The following LIPC variants were observed in gnomAD, a reference collection of about 807,000 sequenced individuals.
LIPC encodes lipase C, hepatic type, also known as hepatic triacylglycerol lipase.
A neutral mutation model predicts 50.7 loss-of-function variants in LIPC; 44 were observed. The ratio of observed to expected loss-of-function variants is 0.87; its 90% CI spans 0.68 to 1.11. The LOEUF is 1.11. LIPC is among the 50% of genes most tolerant of loss of function. LIPC has a pLI of 0.00. For missense variants in LIPC, 697 were observed against 648.2 expected, an observed-to-expected ratio of 1.08 and a Z score of -0.82; for synonymous variants, 271 against 256.4, an observed-to-expected ratio of 1.06 and a Z score of -0.54.
At chr15:58,478,637 T>TTATA (rs1891082719) in intron 1 of LIPC, among the ~76,000 whole-genome samples, 1 of 152,092 alleles carries the variant, frequency 6.6e-6, no homozygotes, top group Non-Finnish European at 1.5e-5. Flanking sequence ...CTTAGGGAGG[T>TTATA]TATGCAAGTT....
chr15:58,504,288 G>A (rs1892076760), intron 1 of LIPC, among the ~76,000 whole-genome samples: 1 of 152,158 alleles, frequency 6.6e-6, no homozygotes, highest in South Asian at 2.1e-4. Context: ...CTGTTGTCAG[G>A]CAGCCCAGGG....
intron 1 of LIPC, among the ~76,000 whole-genome samples, chr15:58,465,752 A>T (rs1894536444): frequency 6.6e-6 from 1 of 152,174 alleles, no homozygotes; most frequent in Non-Finnish European, 1.5e-5. Context: ...GGGAAGATAG[A>T]GTCCAAGAGG....
At chr15:58,519,998 T>C (rs1170518434) in intron 1 of LIPC, among the ~76,000 whole-genome samples, 3 of 151,966 alleles carry the variant, frequency 2.0e-5, no homozygotes, top group Non-Finnish European at 4.4e-5. Flanking sequence ...AATGCAAGGG[T>C]GCGTAGAAAG....
chr15:58,512,431 A>G (rs938471187), intron 1 of LIPC, among the ~76,000 whole-genome samples: 2 of 152,128 alleles, frequency 1.3e-5, no homozygotes, highest in Non-Finnish European at 2.9e-5. Context: ...ACAATGTTTT[A>G]TTTTGCTTTT....
intron 4 of LIPC, among the ~76,000 whole-genome samples, chr15:58,544,395 C>CGT (rs1893449128): frequency 7.8e-6 from 1 of 128,976 alleles, no homozygotes; most frequent in Non-Finnish European, 1.6e-5. Flanking sequence ...TTTTCTCTTT[C>CGT]TTTTTTTTTT....
intron 1 of LIPC, among the ~76,000 whole-genome samples, chr15:58,485,636 T>C (rs1448391571): frequency 2.0e-5 from 3 of 152,230 alleles, no homozygotes; most frequent in African/African-American, 7.2e-5. Context: ...CAGGCACTTA[T>C]TTGGATCTCA....
intron 1 of LIPC, among the ~76,000 whole-genome samples, chr15:58,487,684 GA>G (rs1484105193): frequency 6.6e-6 from 1 of 152,200 alleles, no homozygotes; most frequent in Non-Finnish European, 1.5e-5. Flanking sequence ...AGTGGGGACT[GA>G]AATTAACAGG....
chr15:58,495,644 A>G (rs1378723692), intron 1 of LIPC, among the ~76,000 whole-genome samples: 16 of 152,238 alleles, frequency 1.1e-4, no homozygotes, highest in African/African-American at 3.6e-4. Flanking sequence ...AGAGAGAGTA[A>G]GTAACTTATT....
chr15:58,491,987 G>A lies in LIPC; in HGVS notation c.89-46346G>A, dbSNP rs573920404. Among the ~76,000 whole-genome samples, 7 of 152,294 alleles carry A rather than the reference G, an allele frequency of 4.6e-5. No homozygotes were observed. The East Asian group carries it at 9.6e-4, about 21-fold the overall frequency. ...GTCCCAGCTCTGTAGCTGCATTTCT[G>A]ACCCAGTTGGATACCTTGACATGGT... On this transcript the variant is annotated intron_variant, in intron 1 of 8. Coordinates refer to ENST00000299022, the MANE Select transcript of LIPC (RefSeq NM_000236.3).
At chr15:58,458,577 C>T (rs1330704995) in intron 1 of LIPC, among the ~76,000 whole-genome samples, 3 of 152,220 alleles carry the variant, frequency 2.0e-5, no homozygotes, top group Non-Finnish European at 2.9e-5. Context: ...CCACCTCTAA[C>T]CTTTTCCCAT....
chr15:58,520,614 G>A (rs1892625927), intron 1 of LIPC, among the ~76,000 whole-genome samples: 1 of 152,084 alleles, frequency 6.6e-6, no homozygotes, highest in African/African-American at 2.4e-5. Flanking sequence ...TCCCAGAAAC[G>A]CTTGGCCAAA....
intron 5 of LIPC, among the ~76,000 whole-genome samples, chr15:58,547,064 G>T (rs775045797): frequency 6.6e-6 from 1 of 152,016 alleles, no homozygotes; most frequent in Non-Finnish European, 1.5e-5. Context: ...TGGTGTATGG[G>T]CTTTATTTTC....
At chr15:58,518,758 C>A (rs1192371092) in intron 1 of LIPC, among the ~76,000 whole-genome samples, 1 of 152,092 alleles carries the variant, frequency 6.6e-6, no homozygotes, top group Non-Finnish European at 1.5e-5. Context: ...AGTTCAAGAG[C>A]AGGCAAAACT....
intron 1 of LIPC, among the ~76,000 whole-genome samples, chr15:58,502,869 A>T (rs1172973520): frequency 1.3e-5 from 2 of 151,900 alleles, no homozygotes; most frequent in Non-Finnish European, 2.9e-5. Context: ...GATGAAGAGG[A>T]CATGGTTATC....
rs1222672989 is a variant in LIPC at position 58,545,890 on chromosome 15, T to C, written c.723T>C (p.Tyr241=). The part of the protein sequence containing the change: ...SVGIKQPIGH[Y]DFYPNGGSFQ... The stretch of plus-strand genomic sequence containing the variant: ...GCATCAAACAGCCCATAGGACACTA[T>C]GACTTCTATCCCAACGGGGGCTCCT... The change falls in exon 5 of 9, where the codon TAT becomes TAC. Residue 241 remains tyrosine, a synonymous_variant. Coordinates refer to ENST00000299022, the MANE Select transcript of LIPC (RefSeq NM_000236.3). 3.7e-6 allele frequency: 6 copies of C among 1,614,212 alleles called. No individual in the cohort carries two copies. Among genetic ancestry groups the C allele is most frequent in the Admixed American group, 3.3e-5 (2 of 60,024 alleles).
intron 7 of LIPC, 34 bp from the exon 8 acceptor site, chr15:58,563,471 A>C: frequency 6.4e-7 from 1 of 1,559,072 alleles, no homozygotes; most frequent in Non-Finnish European, 8.8e-7. Context: ...TTACGACTAA[A>C]CTGATTGTGT....
intron 7 of LIPC, among the ~76,000 whole-genome samples, chr15:58,563,008 T>C (rs1894218547): frequency 6.6e-6 from 1 of 152,244 alleles, no homozygotes; most frequent in Non-Finnish European, 1.5e-5. Flanking sequence ...AATCTTGCTC[T>C]AAATCGGTGC....
At chr15:58,453,131 T>G (rs1893973542) in intron 1 of LIPC, among the ~76,000 whole-genome samples, 2 of 152,214 alleles carry the variant, frequency 1.3e-5, no homozygotes, top group African/African-American at 4.8e-5. Flanking sequence ...ACCCATCCCC[T>G]CAGGTACACT....
chr15:58,542,259 G>A (rs185318010), intron 3 of LIPC, among the ~76,000 whole-genome samples: 171 of 152,218 alleles, frequency 1.1e-3, no homozygotes, highest in African/African-American at 3.9e-3. Context: ...AAGCTATCAA[G>A]CCCCCACACA....
Sources: allele counts gnomAD v4.1 joint callset (sites outside exome capture counted in the v4.1 genomes callset), GRCh38; gene constraint gnomAD v4.1.1; transcripts MANE v1.5; gene names NCBI Gene and HGNC (gene_info 2026-07-23, HGNC 2026-07-21).